The following SH3RF3 variants were observed in gnomAD, a reference collection of about 807,000 sequenced individuals.
SH3RF3 encodes the protein E3 ubiquitin-protein ligase SH3RF3.
In SH3RF3, 29 loss-of-function variants were observed where a neutral mutation model predicts 66.3. The observed-to-expected ratio is 0.44, with a 90% CI of 0.33 to 0.60. The LOEUF (loss-of-function observed/expected upper bound fraction) is 0.60. Among genes scored for constraint, SH3RF3 ranks in the 20% least tolerant of loss-of-function variants. The pLI is 0.04. For synonymous variants in SH3RF3, 583 were observed against 532.0 expected (o/e 1.10, Z -1.32); for missense variants, 1,194 against 1,190.9 (o/e 1.00, Z -0.04).
intron 1 of SH3RF3, among the ~76,000 whole-genome samples, chr2:109,223,685 A>AC (rs1258671910): frequency 1.3e-5 from 2 of 151,990 alleles, no homozygotes; most frequent in Admixed American, 1.3e-4. Context: ...TCTGCCCCCC[A>AC]CGTGATGCTG....
chr2:109,352,259 T>C (rs7605312), intron 2 of SH3RF3, among the ~76,000 whole-genome samples: 2,593 of 152,322 alleles, frequency 0.017, 62 homozygotes, highest in African/African-American at 0.059. Context: ...ATGGTACATA[T>C]CACTTTTTAT....
chr2:109,451,049 C>T (rs114348333), intron 8 of SH3RF3, among the ~76,000 whole-genome samples: 2,465 of 152,334 alleles, frequency 0.016, 66 homozygotes, highest in African/African-American at 0.056. Context: ...GAGCCGGGAA[C>T]GCTGCAGACA....
chr2:109,460,384 G>T (rs1275414026), intron 8 of SH3RF3, among the ~76,000 whole-genome samples: 1 of 152,206 alleles, frequency 6.6e-6, no homozygotes, highest in African/African-American at 2.4e-5. Flanking sequence ...ACATGCTGGG[G>T]ACTCACTGTT....
intron 4 of SH3RF3, among the ~76,000 whole-genome samples, chr2:109,418,248 C>T (rs1477781045): frequency 1.3e-5 from 2 of 152,110 alleles, no homozygotes; most frequent in Non-Finnish European, 2.9e-5. Context: ...TGTCTCCCTC[C>T]TTGAAGGGAG....
chr2:109,221,322 G>T (rs1317585185), intron 1 of SH3RF3, among the ~76,000 whole-genome samples: 1 of 152,098 alleles, frequency 6.6e-6, no homozygotes, highest in Non-Finnish European at 1.5e-5. Flanking sequence ...GTGACTCACG[G>T]CTGTAATCCC....
At position 109,502,021 on chromosome 2, in the gene SH3RF3, G is replaced by A. The variant is rs1679401736; in HGVS notation, c.*350G>A. The A allele has an allele frequency of 4.3e-6, 1 of 231,204 alleles. No homozygotes were observed. Among genetic ancestry groups the A allele is most frequent in the South Asian group, 8.4e-5 (1 of 11,942 alleles). The allele number at this position is 231,204 out of a possible 1,614,324, so 14.3% of individuals were successfully genotyped here. A position where few individuals can be genotyped will look rare whatever the true frequency, so the allele number is the denominator to read the frequency against. On this transcript the variant is annotated 3_prime_UTR_variant, in exon 10 of 10. Transcript: ENST00000309415. ...CTCATTTACCACCTAAGCAGGGTTG[G>A]AGGTTGCAGGAGGTCTGCAGGCGAG...
Position 109,498,167 on chromosome 2 carries a change from A to C in SH3RF3, c.2481-3336A>C, listed in dbSNP as rs1034385553. Among the ~76,000 whole-genome samples, 3 of 152,166 alleles carry C rather than the reference A, an allele frequency of 2.0e-5. No homozygotes were observed. In the South Asian group the frequency reaches 6.2e-4, roughly 31 times the overall value. ...CCTGCCCTCCTTCCTTCCCGCCTGC[A>C]TGTCCCTGAGAGCAGAGTCTGGTTC... On this transcript the variant is annotated intron_variant, in intron 9 of 9. Coordinates refer to ENST00000309415, the MANE Select transcript of SH3RF3 (RefSeq NM_001099289.3).
chr2:109,468,704 A>G (rs963492565), intron 8 of SH3RF3, among the ~76,000 whole-genome samples: 1 of 151,804 alleles, frequency 6.6e-6, no homozygotes, highest in African/African-American at 2.4e-5. Flanking sequence ...AAATAAAAAA[A>G]TGAGCCAGGC....
In SH3RF3 at chr2:109,129,421, G is replaced by C; in HGVS notation, c.-120G>C. 6.8e-7 allele frequency: 1 copy of C among 1,463,796 alleles called. No individual in the cohort carries two copies. The highest frequency in any genetic ancestry group is 9.1e-7 in the Non-Finnish European group (1 of 1,098,188). The allele number at this position is 1,463,796 out of a possible 1,614,324, so 90.7% of individuals were successfully genotyped here. On this transcript the variant is annotated 5_prime_UTR_variant, in exon 1 of 10. Coordinates refer to ENST00000309415, the MANE Select transcript of SH3RF3 (RefSeq NM_001099289.3). ...AGCCCTAGCATCGGGCCACCAGCCG[G>C]GGTGAAGAAAGTCACGGCGGAGCCC...
At chr2:109,314,753 T>A (rs181273315) in intron 1 of SH3RF3, among the ~76,000 whole-genome samples, 3 of 152,356 alleles carry the variant, frequency 2.0e-5, no homozygotes, top group Admixed American at 1.3e-4. Flanking sequence ...TTTCTTATTC[T>A]GTAAATTATT....
At chr2:109,226,054 C>T (rs543771999) in intron 1 of SH3RF3, among the ~76,000 whole-genome samples, 2 of 152,190 alleles carry the variant, frequency 1.3e-5, no homozygotes, top group Admixed American at 6.5e-5. Context: ...TGACCCTGAA[C>T]AACTTATCTG....
chr2:109,363,844 TTATAGGTAATG>T (rs1252842845), intron 2 of SH3RF3, among the ~76,000 whole-genome samples: 1 of 152,194 alleles, frequency 6.6e-6, no homozygotes, highest in Non-Finnish European at 1.5e-5. Flanking sequence ...CTTTGCTCCT[TTATAGGTAATG>T]TGTTTTTTCC....
chr2:109,287,302 A>G (rs1165876024), intron 1 of SH3RF3, among the ~76,000 whole-genome samples: 6 of 152,112 alleles, frequency 3.9e-5, no homozygotes, highest in African/African-American at 1.4e-4. Context: ...TGGATTCCTG[A>G]TGCCCTGGTG....
rs559999105 is a variant in SH3RF3 at position 109,256,142 on chromosome 2, C to T, written c.574-91532C>T. On this transcript the variant is annotated intron_variant, in intron 1 of 9. Coordinates refer to ENST00000309415, the MANE Select transcript of SH3RF3 (RefSeq NM_001099289.3). The stretch of plus-strand genomic sequence containing the variant: ...GAGAGGCCAGGCCCGTGCTTCTGGC[C>T]GCTGTGACCCAGCACCTGGCGGAGG... 1.1e-4 allele frequency among the ~76,000 whole-genome samples: 16 copies of T among 152,260 alleles called. 1 individual carries two copies. The highest frequency in any genetic ancestry group is 7.7e-4 in the East Asian group (4 of 5,176).
intron 1 of SH3RF3, among the ~76,000 whole-genome samples, chr2:109,316,805 A>G (rs1384990821): frequency 6.6e-6 from 1 of 152,154 alleles, no homozygotes; most frequent in Non-Finnish European, 1.5e-5. Context: ...CTATCTGGTT[A>G]TCCCTCCCTG....
At chr2:109,132,685 T>C (rs1676726368) in intron 1 of SH3RF3, among the ~76,000 whole-genome samples, 1 of 152,266 alleles carries the variant, frequency 6.6e-6, no homozygotes, top group African/African-American at 2.4e-5. Flanking sequence ...AAGTGACCTT[T>C]AAACAGTCCT....
chr2:109,258,134 A>G (rs1680264847), intron 1 of SH3RF3, among the ~76,000 whole-genome samples: 1 of 152,160 alleles, frequency 6.6e-6, no homozygotes, highest in African/African-American at 2.4e-5. Context: ...ACACCAAGCA[A>G]CTGGTAGCTG....
chr2:109,255,461 A>G (rs749025551), intron 1 of SH3RF3, among the ~76,000 whole-genome samples: 3 of 152,240 alleles, frequency 2.0e-5, no homozygotes, highest in Admixed American at 2.0e-4. Context: ...TCAGGGTTGG[A>G]CTGGGGTTCG....
At chr2:109,478,843 T>C (rs1678759647) in intron 8 of SH3RF3, among the ~76,000 whole-genome samples, 1 of 152,142 alleles carries the variant, frequency 6.6e-6, no homozygotes, top group African/African-American at 2.4e-5. Context: ...GCATAACAAA[T>C]CATCTCAAAA....
Sources: gnomAD v4.1 joint callset for allele counts (sites outside exome capture counted in the v4.1 genomes callset) on GRCh38, gnomAD v4.1.1 for gene constraint, MANE v1.5 for transcripts, NCBI Gene and HGNC (gene_info 2026-07-23, HGNC 2026-07-21) for gene names.